Variants in PI4KA observed in about 807,000 individuals in gnomAD.
The protein encoded by PI4KA is PI4-kinase alpha.
In PI4KA, 122 loss-of-function variants were observed where a neutral mutation model predicts 271.4. The observed-to-expected ratio is 0.45, with a 90% CI of 0.39 to 0.52. PI4KA has a LOEUF of 0.52. Ranked by LOEUF, PI4KA falls within the 20% of genes least tolerant of loss-of-function variation. The pLI is 0.00. For missense variants in PI4KA, 1,969 were observed against 2,769.1 expected (o/e 0.71, Z 6.48); for synonymous variants, 1,041 against 1,078.8 (o/e 0.96, Z 0.69).
rs764443702 is a variant in PI4KA, at chr22:20,727,689, C to A, written c.4773+85G>T. 4.7e-6 allele frequency: 5 copies of A among 1,070,658 alleles called. No homozygotes were observed. The African/African-American group carries it at 6.3e-5, about 14-fold the overall frequency. 66.3% of individuals were successfully genotyped at this position (1,070,658 alleles called of 1,614,324 possible). A position where few individuals can be genotyped will look rare whatever the true frequency, so the allele number is the denominator to read the frequency against. ...GAAGTTGCCAAGCGGCTGTTTTTGTCTCATTTCTAGTTTCAGGCATTTCTG... is the reference window on the plus strand; with the variant it reads ...GAAGTTGCCAAGCGGCTGTTTTTGTATCATTTCTAGTTTCAGGCATTTCTG... On this transcript the variant is annotated intron_variant, in intron 40 of 54. Transcript: ENST00000255882.
At chr22:20,858,145 G>A (rs1360938155) in intron 1 of PI4KA, among the ~76,000 whole-genome samples, 5 of 152,292 alleles carry the variant, frequency 3.3e-5, no homozygotes, top group African/African-American at 1.2e-4. Flanking sequence ...TTACAAGAAA[G>A]CCATCTTCCC....
rs138040895 is a variant in PI4KA at position 20,858,148 on chromosome 22, A to G, written c.156+422T>C. On this transcript the variant is annotated intron_variant, in intron 1 of 54. Transcript: ENST00000255882. ...AGCATCCCCATTTTACAAGAAAGCC[A>G]TCTTCCCAAGGTCGCGGAATAAAAA... Among the ~76,000 whole-genome samples, 228 of 152,308 alleles carry G rather than the reference A, an allele frequency of 1.5e-3. 2 individuals are homozygous for G. Among genetic ancestry groups the G allele is most frequent in the African/African-American group, 5.2e-3 (215 of 41,562 alleles).
intron 19 of PI4KA, among the ~76,000 whole-genome samples, chr22:20,791,928 C>T (rs893668399): frequency 2.6e-5 from 4 of 151,994 alleles, no homozygotes; most frequent in African/African-American, 9.7e-5. Flanking sequence ...TGGTGAAACC[C>T]CATCTCTACT....
chr22:20,760,545 CA>C (rs1931857142), intron 23 of PI4KA, among the ~76,000 whole-genome samples: 1 of 152,168 alleles, frequency 6.6e-6, no homozygotes. Flanking sequence ...ATAAAATCCA[CA>C]GGTCTTATGT....
At chr22:20,843,002 G>A in intron 1 of PI4KA, among the ~76,000 whole-genome samples, 1 of 150,810 alleles carries the variant, frequency 6.6e-6, no homozygotes. Flanking sequence ...GGAGGCTGAG[G>A]CAGGAGAATG....
At chr22:20,801,853 T>TCCAG in intron 14 of PI4KA, 120 bp downstream of exon 14, 1 of 1,129,218 alleles carries the variant, frequency 8.9e-7, no homozygotes, top group Non-Finnish European at 1.3e-6. Context: ...GCCACTGCAT[T>TCCAG]CCAGCCTGGG....
chr22:20,798,025 G>A (rs778988775), intron 17 of PI4KA, among the ~76,000 whole-genome samples: 22 of 152,216 alleles, frequency 1.4e-4, no homozygotes, highest in Non-Finnish European at 3.1e-4. Context: ...AGGGAAAACT[G>A]GTCAGACTTT....
intron 12 of PI4KA, 145 bp downstream of exon 12, chr22:20,804,155 A>T: frequency 1.6e-6 from 1 of 634,276 alleles, no homozygotes; most frequent in Non-Finnish European, 2.9e-6. Flanking sequence ...AACTGTGCAC[A>T]GCACGCACTG....
intron 5 of PI4KA, 89 bp downstream of exon 5, chr22:20,820,450 A>T: frequency 1.2e-6 from 1 of 845,862 alleles, no homozygotes; most frequent in Non-Finnish European, 2.0e-6. Flanking sequence ...CATATATATT[A>T]GGTACCCAAC....
intron 32 of PI4KA, among the ~76,000 whole-genome samples, chr22:20,738,998 C>A (rs540063155): frequency 7.3e-6 from 1 of 136,772 alleles, no homozygotes; most frequent in Non-Finnish European, 1.5e-5. Context: ...GTCAGGAGAT[C>A]GAGACCATCC....
At chr22:20,754,986 G>A (rs1010716698) in intron 23 of PI4KA, among the ~76,000 whole-genome samples, 5 of 151,982 alleles carry the variant, frequency 3.3e-5, no homozygotes, top group African/African-American at 4.8e-5. Flanking sequence ...ACAGGGTATC[G>A]CTTTGTTGCC....
intron 41 of PI4KA, 89 bp downstream of exon 41, chr22:20,727,141 T>C: frequency 8.1e-7 from 1 of 1,241,050 alleles, no homozygotes; most frequent in Non-Finnish European, 1.1e-6. Flanking sequence ...GGCGACCTCA[T>C]GGCCAATGGT....
intron 7 of PI4KA, among the ~76,000 whole-genome samples, chr22:20,815,939 C>T (rs1005051415): frequency 6.8e-6 from 1 of 146,162 alleles, no homozygotes. Flanking sequence ...ATTGAAACTT[C>T]TTTTTTTTTT....
At position 20,815,905 on chromosome 22, in the gene PI4KA, T is replaced by C. The variant is rs560156411; in HGVS notation, c.857-2399A>G. On this transcript the variant is annotated intron_variant, in intron 7 of 54. Coordinates refer to ENST00000255882, the MANE Select transcript of PI4KA (RefSeq NM_058004.4). ...GGCTGCAGGAACTAGGGACCTAACA[T>C]TTGGGATTTACGCAGGGGGTGTCAT... Among the ~76,000 whole-genome samples the C allele has an allele frequency of 1.7e-3, 256 of 152,004 alleles. 2 individuals are homozygous for C. The highest frequency in any genetic ancestry group is 6.0e-3 in the African/African-American group (247 of 41,458).
At chr22:20,806,494 AC>A (rs1935659910) in intron 10 of PI4KA, among the ~76,000 whole-genome samples, 1 of 151,696 alleles carries the variant, frequency 6.6e-6, no homozygotes, top group Non-Finnish European at 1.5e-5. Flanking sequence ...ACATGGTAAA[AC>A]CCCATCTCTA....
chr22:20,757,909 A>T (rs1479536262), intron 23 of PI4KA, among the ~76,000 whole-genome samples: 1 of 152,026 alleles, frequency 6.6e-6, no homozygotes, highest in Non-Finnish European at 1.5e-5. Flanking sequence ...TAATTCTTCT[A>T]GAGGTTGGCA....
intron 1 of PI4KA, among the ~76,000 whole-genome samples, chr22:20,838,943 G>A (rs1428078306): frequency 6.6e-6 from 1 of 152,196 alleles, no homozygotes; most frequent in East Asian, 1.9e-4. Flanking sequence ...TAGGCCAGGT[G>A]CAGTGGCTCA....
At chr22:20,832,460 T>G (rs537737882) in intron 3 of PI4KA, among the ~76,000 whole-genome samples, 16 of 151,636 alleles carry the variant, frequency 1.1e-4, no homozygotes, top group African/African-American at 3.9e-4. Flanking sequence ...TCAGTTTGGT[T>G]GTTTTCTTTT....
chr22:20,778,260 G>A (rs1002304670), intron 19 of PI4KA, among the ~76,000 whole-genome samples: 2 of 152,072 alleles, frequency 1.3e-5, no homozygotes, highest in Non-Finnish European at 2.9e-5. Flanking sequence ...CAGCACTTTG[G>A]GGGGCTGAGG....
Sources: allele counts gnomAD v4.1 joint callset (sites outside exome capture counted in the v4.1 genomes callset), GRCh38; gene constraint gnomAD v4.1.1; transcripts MANE v1.5; gene names NCBI Gene and HGNC (gene_info 2026-07-23, HGNC 2026-07-21).